The following TMEM131 variants were observed in gnomAD, a reference collection of about 807,000 sequenced individuals.
TMEM131 encodes transmembrane protein 131, also known as 2610524E03Rik.
A neutral mutation model predicts 211.6 loss-of-function variants in TMEM131; 66 were observed. That is an observed-to-expected ratio of 0.31 (90% CI 0.26 to 0.38). The LOEUF is 0.38. Among genes scored for constraint, TMEM131 ranks in the 10% least tolerant of loss-of-function variants. The pLI is 1.00. For synonymous variants in TMEM131, 844 were observed against 841.3 expected (o/e 1.00, Z -0.06); for missense variants, 2,036 against 2,299.3 (o/e 0.89, Z 2.34).
At chr2:97,893,050 C>T (rs555321565) in intron 3 of TMEM131, among the ~76,000 whole-genome samples, 5 of 152,228 alleles carry the variant, frequency 3.3e-5, no homozygotes, top group African/African-American at 1.2e-4. Flanking sequence ...CTCCCCTAGC[C>T]GCCCAACCCC....
At chr2:97,906,753 A>G (rs905653428) in intron 3 of TMEM131, among the ~76,000 whole-genome samples, 2 of 152,152 alleles carry the variant, frequency 1.3e-5, no homozygotes, top group Non-Finnish European at 2.9e-5. Flanking sequence ...CCATCAAGTC[A>G]TTTCCAACTC....
intron 1 of TMEM131, among the ~76,000 whole-genome samples, chr2:97,994,369 T>C (rs977544746): frequency 2.6e-5 from 4 of 152,252 alleles, no homozygotes; most frequent in African/African-American, 9.6e-5. Flanking sequence ...CTTAGAGAGT[T>C]AGATAAGGGA....
At chr2:97,969,934 C>G (rs1679225198) in intron 1 of TMEM131, among the ~76,000 whole-genome samples, 1 of 152,156 alleles carries the variant, frequency 6.6e-6, no homozygotes, top group Non-Finnish European at 1.5e-5. Context: ...TGTTCAGGGT[C>G]CCAGGAAGGT....
At chr2:97,925,248 A>G (rs929182818) in intron 2 of TMEM131, among the ~76,000 whole-genome samples, 1 of 152,212 alleles carries the variant, frequency 6.6e-6, no homozygotes, top group African/African-American at 2.4e-5. Flanking sequence ...TGTAAATGAA[A>G]GAATCTTTTG....
chr2:97,838,082 C>G (rs13012645), intron 7 of TMEM131, among the ~76,000 whole-genome samples: 17 of 152,108 alleles, frequency 1.1e-4, no homozygotes, highest in African/African-American at 3.9e-4. Flanking sequence ...ATGACTATAC[C>G]GCAGTTTTTC....
intron 1 of TMEM131, among the ~76,000 whole-genome samples, chr2:97,948,669 T>C (rs1177786125): frequency 1.3e-5 from 2 of 152,120 alleles, no homozygotes; most frequent in African/African-American, 4.8e-5. Context: ...TTTTATTTAT[T>C]TTTTTTGAGA....
In TMEM131 at chr2:97,792,929, C is replaced by G. The variant is rs769153242; in HGVS notation, c.3601G>C (p.Gly1201Arg). Residue 1201 changes from glycine (G) to arginine (R), a missense_variant, in exon 31 of 41, where the codon GGT becomes CGT. Gly to Arg is a moderately radical substitution (Grantham distance 125). Transcript: ENST00000186436. ...GHSRGFCGAG[G>R]SSSRPSAGSH... Reference sequence around the variant, plus strand: ...CCGGCACTGGGTCGGGATGATGAACCGCCTGCTCCACAGAACCCCCTACTG... The same window carrying G: ...CCGGCACTGGGTCGGGATGATGAACGGCCTGCTCCACAGAACCCCCTACTG... 1 of 1,610,626 alleles carries G rather than the reference C, an allele frequency of 6.2e-7. No individual in the cohort carries two copies.
At chr2:97,778,396 T>C (rs959585899) in intron 31 of TMEM131, among the ~76,000 whole-genome samples, 3 of 151,910 alleles carry the variant, frequency 2.0e-5, no homozygotes, top group African/African-American at 7.3e-5. Context: ...ACTAAAAATA[T>C]AAAAATTAGC....
intron 1 of TMEM131, among the ~76,000 whole-genome samples, chr2:97,982,172 G>A (rs932446717): frequency 6.6e-6 from 1 of 152,128 alleles, no homozygotes; most frequent in African/African-American, 2.4e-5. Flanking sequence ...CAATGTCTCC[G>A]CACCCTTGCC....
intron 1 of TMEM131, among the ~76,000 whole-genome samples, chr2:97,947,231 G>A (rs929748326): frequency 2.0e-5 from 3 of 151,844 alleles, no homozygotes; most frequent in Non-Finnish European, 4.4e-5. Flanking sequence ...CAATCTTCGT[G>A]CCAATAAAAC....
intron 4 of TMEM131, among the ~76,000 whole-genome samples, chr2:97,871,848 C>T (rs1674501092): frequency 1.3e-5 from 2 of 151,872 alleles, no homozygotes. Flanking sequence ...CTGGTTTTGT[C>T]TGTATAGCAG....
intron 12 of TMEM131, 119 bp from the exon 13 acceptor site, chr2:97,815,426 C>T (rs966652415): frequency 1.1e-5 from 6 of 552,656 alleles, no homozygotes; most frequent in East Asian, 1.0e-4. Flanking sequence ...AATTGGCCAA[C>T]AGAACACTTT....
At position 97,814,347 on chromosome 2, in the gene TMEM131, C is replaced by A; in HGVS notation, c.1334G>T (p.Arg445Leu). Reference protein sequence around the residue: ...FDHAATLFHIRDSPADPVERP... With the variant: ...FDHAATLFHILDSPADPVERP... ...TTCCACAGGATCAGCAGGGCTGTCT[C>A]GGATGTGAAATAATGTTGCAGCATG... is the stretch of plus-strand genomic sequence containing the variant. The change falls in exon 14 of 41, where the codon CGA becomes CTA. Residue 445 changes from arginine (R) to leucine (L), a missense_variant. Arg to Leu is a moderately radical substitution (Grantham distance 102). Coordinates refer to ENST00000186436, the MANE Select transcript of TMEM131 (RefSeq NM_015348.2). The A allele has an allele frequency of 1.9e-6, 3 of 1,613,010 alleles. No individual in the cohort carries two copies. Among genetic ancestry groups the A allele is most frequent in the Non-Finnish European group, 8.5e-7 (1 of 1,179,584 alleles).
chr2:97,860,296 T>C (rs575849877), intron 4 of TMEM131, among the ~76,000 whole-genome samples: 23 of 152,170 alleles, frequency 1.5e-4, no homozygotes, highest in Non-Finnish European at 3.1e-4. Context: ...GCTAGTTCCA[T>C]GGGCAAGTCC....
intron 1 of TMEM131, among the ~76,000 whole-genome samples, chr2:97,962,748 C>T (rs538804994): frequency 4.0e-4 from 61 of 152,282 alleles, no homozygotes; most frequent in African/African-American, 1.4e-3. Flanking sequence ...TTCATAAAAG[C>T]TTTAATCATA....
intron 1 of TMEM131, among the ~76,000 whole-genome samples, chr2:97,966,217 C>T (rs1047431455): frequency 5.3e-5 from 8 of 151,900 alleles, no homozygotes; most frequent in African/African-American, 1.9e-4. Context: ...CTGTTCTCTG[C>T]TCACTGCAAC....
intron 1 of TMEM131, among the ~76,000 whole-genome samples, chr2:97,957,772 T>A (rs1351024665): frequency 1.3e-5 from 2 of 152,132 alleles, no homozygotes; most frequent in Non-Finnish European, 2.9e-5. Context: ...ATAATGAAAG[T>A]TTCAAAACTA....
intron 36 of TMEM131, 78 bp downstream of exon 36, chr2:97,761,957 T>G (rs1573315594): frequency 1.7e-5 from 24 of 1,425,462 alleles, no homozygotes; most frequent in Non-Finnish European, 2.2e-5. Flanking sequence ...GGCCGCTAAG[T>G]GTTTCCATTT....
chr2:97,937,044 A>G (rs1351300333), intron 1 of TMEM131, among the ~76,000 whole-genome samples: 2 of 152,162 alleles, frequency 1.3e-5, no homozygotes, highest in African/African-American at 4.8e-5. Context: ...AAGAAACAAG[A>G]AAGTATGGCT....
Sources: allele counts gnomAD v4.1 joint callset (sites outside exome capture counted in the v4.1 genomes callset), GRCh38; gene constraint gnomAD v4.1.1; transcripts MANE v1.5; gene names NCBI Gene and HGNC (gene_info 2026-07-23, HGNC 2026-07-21).